The following ANKRD33B variants were observed in gnomAD, a reference collection of about 807,000 sequenced individuals.
ANKRD33B encodes the protein ankyrin repeat domain 33B.
In ANKRD33B, 6 loss-of-function variants were observed where a neutral mutation model predicts 21.5. That is an observed-to-expected ratio of 0.28 (90% CI 0.15 to 0.55). The LOEUF (loss-of-function observed/expected upper bound fraction) is 0.55. Ranked by LOEUF, ANKRD33B falls within the 20% of genes least tolerant of loss-of-function variation. The pLI, the probability that ANKRD33B is intolerant of heterozygous loss-of-function variation, is 0.94. For synonymous variants in ANKRD33B, 347 were observed against 342.4 expected, an observed-to-expected ratio of 1.01 and a Z score of -0.15; for missense variants, 698 against 747.2, an observed-to-expected ratio of 0.93 and a Z score of 0.77.
chr5:10,650,745 A>G lies in ANKRD33B; in HGVS notation c.*632A>G, dbSNP rs1737331958. The G allele has an allele frequency of 6.6e-6, 1 of 152,400 alleles. No individual in the cohort carries two copies. The highest frequency in any genetic ancestry group is 1.5e-5 in the Non-Finnish European group (1 of 68,046). The allele number at this position is 152,400 out of a possible 1,614,324, so 9.4% of individuals were successfully genotyped here. On this transcript the variant is annotated 3_prime_UTR_variant, in exon 4 of 4. Transcript: ENST00000296657. ...TGAGCCACATGATCAAGTGAGACAG[A>G]GGATCAGATGTTACTGTATCTTTTT...
At chr5:10,610,436 A>G (rs568841989) in intron 1 of ANKRD33B, among the ~76,000 whole-genome samples, 7 of 149,578 alleles carry the variant, frequency 4.7e-5, no homozygotes, top group Non-Finnish European at 8.9e-5. Flanking sequence ...CTGGCCCCAC[A>G]TGTCAATAGT....
At chr5:10,604,436 T>G (rs1735999576) in intron 1 of ANKRD33B, among the ~76,000 whole-genome samples, 1 of 139,276 alleles carries the variant, frequency 7.2e-6, no homozygotes, top group Non-Finnish European at 1.5e-5. Context: ...CAAGCAATCC[T>G]CCCACCTCAG....
intron 1 of ANKRD33B, among the ~76,000 whole-genome samples, chr5:10,590,845 G>A (rs1735669759): frequency 6.6e-6 from 1 of 152,084 alleles, no homozygotes; most frequent in South Asian, 2.1e-4. Context: ...AAAGCCATGA[G>A]AATGGAAGCT....
chr5:10,627,784 G>A (rs549547304), intron 2 of ANKRD33B: 9 of 152,158 alleles, frequency 5.9e-5, no homozygotes, highest in East Asian at 5.8e-4. Flanking sequence ...GGTGAGTCTC[G>A]GTTTCCCAGC....
intron 2 of ANKRD33B, among the ~76,000 whole-genome samples, chr5:10,620,759 C>T (rs1166496798): frequency 6.6e-6 from 1 of 152,204 alleles, no homozygotes; most frequent in Non-Finnish European, 1.5e-5. Flanking sequence ...TATCAGGACA[C>T]ATACTGCCAG....
intron 2 of ANKRD33B, among the ~76,000 whole-genome samples, chr5:10,634,456 G>GGT (rs1736806226): frequency 8.7e-6 from 1 of 115,596 alleles, no homozygotes; most frequent in African/African-American, 3.1e-5. Flanking sequence ...GCTCAAACTA[G>GGT]ATTTTTTTCT....
At chr5:10,638,941 A>G (rs116441302) in intron 3 of ANKRD33B, among the ~76,000 whole-genome samples, 35,749 of 75,200 alleles carry the variant, frequency 0.48, 5,464 homozygotes, top group Middle Eastern at 0.58. Context: ...GCGCGGCGAT[A>G]TTAGCGGGTG....
intron 1 of ANKRD33B, among the ~76,000 whole-genome samples, chr5:10,570,921 T>G (rs2936588): frequency 0.46 from 62,981 of 135,658 alleles, 13,855 homozygotes; most frequent in Middle Eastern, 0.61. Flanking sequence ...TTTTTTTTTT[T>G]GTCAATTAGG....
intron 3 of ANKRD33B, among the ~76,000 whole-genome samples, chr5:10,644,201 G>T (rs1277128731): frequency 6.6e-6 from 1 of 152,192 alleles, no homozygotes; most frequent in Non-Finnish European, 1.5e-5. Flanking sequence ...TGACACTTCA[G>T]ATTGTAATAA....
intron 1 of ANKRD33B, among the ~76,000 whole-genome samples, chr5:10,583,602 G>A (rs184208408): frequency 6.6e-6 from 1 of 152,268 alleles, no homozygotes; most frequent in African/African-American, 2.4e-5. Context: ...AAGATTGTTG[G>A]AGTTGTGAAC....
intron 1 of ANKRD33B, 60 bp from the exon 2 acceptor site, chr5:10,618,273 G>A (rs968290749): frequency 6.5e-7 from 1 of 1,534,168 alleles, no homozygotes; most frequent in South Asian, 1.2e-5. Flanking sequence ...GGGGTCCCCA[G>A]TGCTGACCCA....
intron 2 of ANKRD33B, among the ~76,000 whole-genome samples, chr5:10,618,816 C>G (rs1415267159): frequency 6.6e-6 from 1 of 152,190 alleles, no homozygotes; most frequent in Admixed American, 6.5e-5. Context: ...GAGACACAAT[C>G]ATGTGTCTCA....
rs1737348685 is a variant in ANKRD33B at position 10,651,152 on chromosome 5, T to A, written c.*1039T>A. 4 of 152,356 alleles carry A rather than the reference T, an allele frequency of 2.6e-5. No individual in the cohort carries two copies. Among genetic ancestry groups the A allele is most frequent in the Admixed American group, 2.6e-4 (4 of 15,284 alleles). 9.4% of individuals were successfully genotyped at this position (152,356 alleles called of 1,614,324 possible). A position where few individuals can be genotyped will look rare whatever the true frequency, so the allele number is the denominator to read the frequency against. On this transcript the variant is annotated 3_prime_UTR_variant, in exon 4 of 4. Coordinates refer to ENST00000296657, the MANE Select transcript of ANKRD33B (RefSeq NM_001164440.2). The stretch of plus-strand genomic sequence containing the variant: ...TGAGAGAATGGAATGGGGAACAGAC[T>A]TGTTTTCGGCAAATTCTCCTGGAGT...
At chr5:10,614,242 C>A (rs1736236194) in intron 1 of ANKRD33B, among the ~76,000 whole-genome samples, 1 of 152,016 alleles carries the variant, frequency 6.6e-6, no homozygotes, top group South Asian at 2.1e-4. Context: ...TGGATGAGGC[C>A]CACTCACATG....
Position 10,649,577 on chromosome 5 carries a change from A to G in ANKRD33B, c.949A>G (p.Ser317Gly). The change falls in exon 4 of 4, where the codon AGC becomes GGC. Residue 317 changes from serine to glycine, a missense_variant. By Grantham distance (56) the Ser-to-Gly change is moderately conservative. Around this residue, in one of 3 missense-constraint regions of ANKRD33B, gnomAD observed 543 missense variants for 566.5 expected, o/e 0.96. Transcript: ENST00000296657. ...HMVRMTTSLY[S>G]PAVAIVCQTV... ...GGTCCGGATGACCACGAGCCTCTAC[A>G]GCCCCGCCGTGGCCATCGTGTGCCA... 6.5e-7 allele frequency: 1 copy of G among 1,527,386 alleles called. No homozygotes were observed. Among genetic ancestry groups the G allele is most frequent in the Non-Finnish European group, 8.8e-7 (1 of 1,141,816 alleles). 94.6% of individuals were successfully genotyped at this position (1,527,386 alleles called of 1,614,324 possible).
At chr5:10,629,767 A>C (rs1354256959) in intron 2 of ANKRD33B, among the ~76,000 whole-genome samples, 1 of 152,198 alleles carries the variant, frequency 6.6e-6, no homozygotes, top group African/African-American at 2.4e-5. Flanking sequence ...ACAGGAGCTC[A>C]GAATGTTGAG....
At chr5:10,589,993 T>C (rs1735647296) in intron 1 of ANKRD33B, among the ~76,000 whole-genome samples, 1 of 152,106 alleles carries the variant, frequency 6.6e-6, no homozygotes, top group Admixed American at 6.5e-5. Flanking sequence ...ATTAAACTTA[T>C]CTTTTGATTC....
chr5:10,581,149 C>G (rs541993037), intron 1 of ANKRD33B, among the ~76,000 whole-genome samples: 2 of 152,222 alleles, frequency 1.3e-5, no homozygotes, highest in African/African-American at 4.8e-5. Flanking sequence ...GGGCCTGGTC[C>G]CACCCCTTAA....
chr5:10,614,508 T>A (rs1266448557), intron 1 of ANKRD33B, among the ~76,000 whole-genome samples: 2 of 152,166 alleles, frequency 1.3e-5, no homozygotes, highest in Non-Finnish European at 2.9e-5. Flanking sequence ...TGGCCTCAAG[T>A]GGTCTTCCCA....
Sources: gnomAD v4.1 joint callset for allele counts (sites outside exome capture counted in the v4.1 genomes callset) on GRCh38, gnomAD v4.1.1 for gene constraint, gnomAD v4.1.1 regional missense constraint, MANE v1.5 for transcripts, NCBI Gene and HGNC (gene_info 2026-07-23, HGNC 2026-07-21) for gene names.